Variants in CAMTA1 observed in about 807,000 individuals in gnomAD.
CAMTA1 encodes calmodulin binding transcription activator 1.
A neutral mutation model predicts 170.9 loss-of-function variants in CAMTA1; 27 were observed. That is an observed-to-expected ratio of 0.16 (90% CI 0.12 to 0.22). CAMTA1 has a LOEUF of 0.22. Among genes scored for constraint, CAMTA1 ranks in the 10% least tolerant of loss-of-function variants. The pLI is 1.00. For missense variants in CAMTA1, 1,619 were observed against 2,217.2 expected (o/e 0.73, Z 5.42); for synonymous variants, 833 against 891.5 (o/e 0.93, Z 1.17).
intron 4 of CAMTA1, among the ~76,000 whole-genome samples, chr1:7,229,847 G>A (rs1050376761): frequency 1.3e-5 from 2 of 152,148 alleles, no homozygotes; most frequent in African/African-American, 4.8e-5. Flanking sequence ...GTAAAAAGAA[G>A]AAAATAGCCC....
At chr1:7,219,635 C>CT (rs1660390586) in intron 4 of CAMTA1, 1 of 148,108 alleles carries the variant, frequency 6.8e-6, no homozygotes, top group Non-Finnish European at 1.5e-5. Context: ...GTGCTGAAGC[C>CT]TTAACCCCAG....
chr1:6,842,117 G>A (rs1395154791), intron 3 of CAMTA1, among the ~76,000 whole-genome samples: 1 of 152,138 alleles, frequency 6.6e-6, no homozygotes, highest in Non-Finnish European at 1.5e-5. Flanking sequence ...CCGCTAAATT[G>A]TAGGCCTGCC....
intron 11 of CAMTA1, chr1:7,699,018 C>T (rs1558153980): frequency 6.6e-6 from 1 of 152,226 alleles, no homozygotes; most frequent in Non-Finnish European, 1.5e-5. Context: ...CTTTTTCCGT[C>T]GGTCAGTCTT....
At chr1:7,380,974 T>C (rs1201823659) in intron 5 of CAMTA1, among the ~76,000 whole-genome samples, 1 of 152,160 alleles carries the variant, frequency 6.6e-6, no homozygotes, top group Non-Finnish European at 1.5e-5. Context: ...TTTATCATAA[T>C]GCCCTAAGGT....
At chr1:6,990,406 C>T (rs937543888) in intron 3 of CAMTA1, among the ~76,000 whole-genome samples, 2 of 152,290 alleles carry the variant, frequency 1.3e-5, no homozygotes, top group Non-Finnish European at 2.9e-5. Flanking sequence ...CCATATTCAT[C>T]CATGTATCAA....
chr1:6,966,166 T>A (rs1691505592), intron 3 of CAMTA1, among the ~76,000 whole-genome samples: 1 of 152,186 alleles, frequency 6.6e-6, no homozygotes, highest in Admixed American at 6.5e-5. Flanking sequence ...TTTTTCCCAC[T>A]TTTTTAATTT....
rs2094507438 is a variant in CAMTA1 at position 7,532,917 on chromosome 1, AG to A, written c.510+65017del. 6.6e-6 allele frequency among the ~76,000 whole-genome samples: 1 copy of A among 152,210 alleles called. No homozygotes were observed. The highest frequency in any genetic ancestry group is 6.5e-5 in the Admixed American group (1 of 15,290). On this transcript the variant is annotated intron_variant, in intron 6 of 22. Transcript: ENST00000303635. This position sits in a 1 kb window ranked among gnomAD's most constrained non-coding sequence, Gnocchi z 4.2. Reference sequence around the variant, plus strand: ...CAGGACAGAAGACTCTTATTGGACCAGTGCAGGTGGCGGCTTTTTGGGAAGG... The same window carrying A: ...CAGGACAGAAGACTCTTATTGGACCATGCAGGTGGCGGCTTTTTGGGAAGG...
In CAMTA1 at chr1:7,286,806, G is replaced by A. The variant is rs1672409072; in HGVS notation, c.438+37180G>A. ...CCAGCTCTACACTTCTGAGTAGTAA[G>A]ATATCAGGCAAGTTATTTAACTTTC... On this transcript the variant is annotated intron_variant, in intron 5 of 22. Transcript: ENST00000303635. This position sits in a 1 kb window ranked among gnomAD's most constrained non-coding sequence, Gnocchi z 4.2. Among the ~76,000 whole-genome samples, 1 of 152,214 alleles carries A rather than the reference G, an allele frequency of 6.6e-6. No homozygotes were observed. The highest frequency in any genetic ancestry group is 1.5e-5 in the Non-Finnish European group (1 of 68,050).
chr1:7,743,834 T>C (rs551309986), intron 16 of CAMTA1, among the ~76,000 whole-genome samples: 1 of 151,474 alleles, frequency 6.6e-6, no homozygotes, highest in East Asian at 1.9e-4. Context: ...TTTCTTTTCT[T>C]TTTTTTTTCT....
At chr1:7,387,233 C>T (rs921610285) in intron 5 of CAMTA1, among the ~76,000 whole-genome samples, 1 of 152,042 alleles carries the variant, frequency 6.6e-6, no homozygotes, top group African/African-American at 2.4e-5. Context: ...AGGCTTGGAC[C>T]CTACCCTGCT....
At chr1:7,759,969 T>C (rs937999169) in intron 22 of CAMTA1, among the ~76,000 whole-genome samples, 2 of 152,216 alleles carry the variant, frequency 1.3e-5, no homozygotes, top group African/African-American at 4.8e-5. Context: ...AATTCCTCCT[T>C]TCCCGATACG....
intron 7 of CAMTA1, among the ~76,000 whole-genome samples, chr1:7,645,753 G>C (rs1283422097): frequency 6.6e-6 from 1 of 152,154 alleles, no homozygotes; most frequent in Non-Finnish European, 1.5e-5. Context: ...TGCAGCACTG[G>C]GCGGGCGGCA....
chr1:7,497,424 C>T (rs1394107711), intron 6 of CAMTA1, among the ~76,000 whole-genome samples: 1 of 152,232 alleles, frequency 6.6e-6, no homozygotes, highest in African/African-American at 2.4e-5. Flanking sequence ...CTCTGCTCCT[C>T]ACTCTGGGCA....
intron 4 of CAMTA1, among the ~76,000 whole-genome samples, chr1:7,208,176 A>G (rs1033043249): frequency 9.2e-5 from 14 of 152,240 alleles, no homozygotes; most frequent in African/African-American, 3.4e-4. Flanking sequence ...TTGTGCAGAC[A>G]TCTTGTCCAT....
chr1:7,102,023 AACACACACAC>A (rs57209159), intron 4 of CAMTA1, among the ~76,000 whole-genome samples: 1,632 of 148,798 alleles, frequency 0.011, 30 homozygotes, highest in African/African-American at 0.029. Context: ...ATAAATACAC[AACACACACAC>A]ACACACACAC....
At chr1:7,069,112 C>G (rs1638253753) in intron 3 of CAMTA1, among the ~76,000 whole-genome samples, 1 of 152,176 alleles carries the variant, frequency 6.6e-6, no homozygotes, top group African/African-American at 2.4e-5. Flanking sequence ...AGTGTTTTCC[C>G]ATTTCCGGCC....
intron 4 of CAMTA1, among the ~76,000 whole-genome samples, chr1:7,194,429 A>AT (rs994353402): frequency 4.0e-5 from 6 of 151,702 alleles, no homozygotes; most frequent in Admixed American, 1.3e-4. Flanking sequence ...TATACGTGAA[A>AT]TTTTTTTTTA....
chr1:7,660,226 G>A (rs1367524498), intron 7 of CAMTA1, among the ~76,000 whole-genome samples: 2 of 152,096 alleles, frequency 1.3e-5, no homozygotes, highest in South Asian at 2.1e-4. Context: ...GTGCCACCAC[G>A]CCCAGCTAAT....
chr1:7,565,577 G>A lies in CAMTA1; in HGVS notation c.511-74823G>A, dbSNP rs891161484. On this transcript the variant is annotated intron_variant, in intron 6 of 22. Coordinates refer to ENST00000303635, the MANE Select transcript of CAMTA1 (RefSeq NM_015215.4). The surrounding 1 kb of genome is among the most constrained non-coding windows in gnomAD (Gnocchi z 4.5). ...GGGGCTGGCAGAGCTTGGGACCCTCGAACTCCATTGGGCCTACCTGACTGA... is the reference window on the plus strand; with the variant it reads ...GGGGCTGGCAGAGCTTGGGACCCTCAAACTCCATTGGGCCTACCTGACTGA... Among the ~76,000 whole-genome samples the A allele has an allele frequency of 2.0e-5, 3 of 152,110 alleles. No individual in the cohort carries two copies. The highest frequency in any genetic ancestry group is 2.9e-5 in the Non-Finnish European group (2 of 68,014).
Sources: allele counts gnomAD v4.1 joint callset (sites outside exome capture counted in the v4.1 genomes callset), GRCh38; gene constraint gnomAD v4.1.1; non-coding constraint Gnocchi (gnomAD v3.1); transcripts MANE v1.5; gene names NCBI Gene and HGNC (gene_info 2026-07-23, HGNC 2026-07-21).